SLC25A26: variants seen among roughly 807,000 people sequenced by gnomAD.
SLC25A26 encodes the protein solute carrier family 25 member 26, also known as mitochondrial S-adenosylmethionine carrier protein.
In SLC25A26, 36 loss-of-function variants were observed where a neutral mutation model predicts 37.8. The ratio of observed to expected loss-of-function variants is 0.95; its 90% CI spans 0.73 to 1.26. SLC25A26 has a LOEUF of 1.26. Among genes scored for constraint, SLC25A26 ranks in the 50% most tolerant of loss-of-function variants. The pLI, the probability that SLC25A26 is intolerant of heterozygous loss-of-function variation, is 0.00. For synonymous variants in SLC25A26, 129 were observed against 122.5 expected (o/e 1.05, Z -0.35); for missense variants, 390 against 331.1 (o/e 1.18, Z -1.38).
chr3:66,223,318 A>G lies in SLC25A26; in HGVS notation c.33+2191A>G, dbSNP rs147573375. On this transcript the variant is annotated intron_variant, in intron 1 of 9. Transcript: ENST00000354883. Reference sequence around the variant, plus strand: ...CAGTCATGGGGAATGGCTCAAGTGGAAAGAGCTTAGAGTTTTCAAGTGGTG... The same window carrying G: ...CAGTCATGGGGAATGGCTCAAGTGGGAAGAGCTTAGAGTTTTCAAGTGGTG... Among the ~76,000 whole-genome samples, 1,003 of 152,220 alleles carry G rather than the reference A, an allele frequency of 6.6e-3. 8 individuals are homozygous for G. The highest frequency in any genetic ancestry group is 0.022 in the African/African-American group (914 of 41,542).
chr3:66,313,190 A>C (rs2075432814), intron 5 of SLC25A26, among the ~76,000 whole-genome samples: 1 of 152,146 alleles, frequency 6.6e-6, no homozygotes, highest in Non-Finnish European at 1.5e-5. Flanking sequence ...TTTTGTGATG[A>C]AACTTTTGCC....
At chr3:66,365,940 C>A (rs1259587364) in intron 7 of SLC25A26, among the ~76,000 whole-genome samples, 2 of 152,164 alleles carry the variant, frequency 1.3e-5, no homozygotes, top group Admixed American at 1.3e-4. Flanking sequence ...CTGCTGCCCC[C>A]ACATTCTCAG....
intron 1 of SLC25A26, among the ~76,000 whole-genome samples, chr3:66,137,699 G>A (rs2069968084): frequency 6.6e-6 from 1 of 152,216 alleles, no homozygotes. Context: ...TGAGCTTCCT[G>A]AGGTCAGAGT....
In SLC25A26 at chr3:66,357,364, T is replaced by C. The variant is rs1324315605; in HGVS notation, c.499-5496T>C. On this transcript the variant is annotated intron_variant, in intron 6 of 9. Coordinates refer to ENST00000354883, the MANE Select transcript of SLC25A26 (RefSeq NM_001379210.1). The stretch of plus-strand genomic sequence containing the variant: ...AGAAGTTGGAGGCTGCAGTGGGCTG[T>C]GATCACTTCACTGCACTCCAGCCTG... Among the ~76,000 whole-genome samples the C allele has an allele frequency of 3.3e-5, 5 of 152,312 alleles. No homozygotes were observed. In the East Asian group the frequency reaches 9.6e-4, roughly 29 times the overall value.
chr3:66,351,245 G>C (rs1037138623), intron 6 of SLC25A26, among the ~76,000 whole-genome samples: 1 of 152,112 alleles, frequency 6.6e-6, no homozygotes, highest in Admixed American at 6.5e-5. Context: ...CCCAAATCCT[G>C]TTACTGTGCT....
intron 6 of SLC25A26, among the ~76,000 whole-genome samples, chr3:66,354,846 A>G (rs1473789669): frequency 1.3e-5 from 2 of 152,150 alleles, no homozygotes; most frequent in African/African-American, 2.4e-5. Context: ...TGCCTGCACA[A>G]GGTCTCTCTC....
At chr3:66,323,252 T>G (rs960256285) in intron 5 of SLC25A26, among the ~76,000 whole-genome samples, 1 of 152,204 alleles carries the variant, frequency 6.6e-6, no homozygotes, top group Non-Finnish European at 1.5e-5. Context: ...TGTCTTGCCT[T>G]TAACAGGCTT....
rs78301035 is a variant in SLC25A26, at chr3:66,340,209, T to G, written c.454-6155T>G. On this transcript the variant is annotated intron_variant, in intron 5 of 9. Coordinates refer to ENST00000354883, the MANE Select transcript of SLC25A26 (RefSeq NM_001379210.1). Reference sequence around the variant, plus strand: ...GGCTGTTTTATTTCACTGGTCTATATGTCTGTCTTGATGCCACTACAACAC... The same window carrying G: ...GGCTGTTTTATTTCACTGGTCTATAGGTCTGTCTTGATGCCACTACAACAC... Among the ~76,000 whole-genome samples the G allele has an allele frequency of 1.2e-3, 180 of 152,218 alleles. 1 individual carries two copies. Among genetic ancestry groups the G allele is most frequent in the Non-Finnish European group, 2.0e-3 (135 of 67,922 alleles).
rs150122074 is a variant in SLC25A26 at position 66,221,832 on chromosome 3, G to C, written c.33+705G>C. Among the ~76,000 whole-genome samples the C allele has an allele frequency of 4.9e-3, 743 of 150,490 alleles. 14 individuals carry two copies. The highest frequency in any genetic ancestry group is 0.013 in the African/African-American group (540 of 40,734). On this transcript the variant is annotated intron_variant, in intron 1 of 9. Transcript: ENST00000354883. Reference sequence around the variant, plus strand: ...AACAAAACAGAGTTTGGCTGCCTACGTTTTCATTGTGTGGAATGGGCAGAG... The same window carrying C: ...AACAAAACAGAGTTTGGCTGCCTACCTTTTCATTGTGTGGAATGGGCAGAG...
At chr3:66,190,788 A>T (rs2070927023) in intron 1 of SLC25A26, among the ~76,000 whole-genome samples, 1 of 152,224 alleles carries the variant, frequency 6.6e-6, no homozygotes, top group Non-Finnish European at 1.5e-5. Context: ...GTTCACATAA[A>T]TACAATTTTC....
intron 1 of SLC25A26, among the ~76,000 whole-genome samples, chr3:66,214,863 C>T (rs2106844645): frequency 6.6e-6 from 1 of 152,268 alleles, no homozygotes; most frequent in African/African-American, 2.4e-5. Flanking sequence ...CACGGTGGCT[C>T]ATGCCTGTAA....
At chr3:66,142,014 C>G (rs1485378314) in intron 1 of SLC25A26, among the ~76,000 whole-genome samples, 1 of 152,218 alleles carries the variant, frequency 6.6e-6, no homozygotes. Flanking sequence ...CACAAATTAA[C>G]CATTTCAAAG....
chr3:66,170,788 A>ATTTTTT (rs1559559094), intron 1 of SLC25A26, among the ~76,000 whole-genome samples: 2 of 56,424 alleles, frequency 3.5e-5, no homozygotes, highest in African/African-American at 1.4e-4. Flanking sequence ...AGATGTGATT[A>ATTTTTT]TTGTTTTTTT....
rs191276778 is a variant in SLC25A26 at position 66,311,437 on chromosome 3, T to C, written c.454-34927T>C. Among the ~76,000 whole-genome samples the C allele has an allele frequency of 2.4e-4, 36 of 152,218 alleles. No individual in the cohort carries two copies. In the East Asian group the frequency reaches 5.8e-3, roughly 25 times the overall value. On this transcript the variant is annotated intron_variant, in intron 5 of 9. Transcript: ENST00000354883. Reference sequence around the variant, plus strand: ...AGCTTGCTTTCATTGGGTTAGAACATGCTCCTTTAGCTCCGAGGAGTTTGT... The same window carrying C: ...AGCTTGCTTTCATTGGGTTAGAACACGCTCCTTTAGCTCCGAGGAGTTTGT...
chr3:66,232,145 T>G (rs1372426660), intron 1 of SLC25A26, among the ~76,000 whole-genome samples: 1 of 152,226 alleles, frequency 6.6e-6, no homozygotes, highest in Non-Finnish European at 1.5e-5. Context: ...TAATTTAAAA[T>G]GTTCATTTTG....
intron 5 of SLC25A26, chr3:66,304,582 A>T (rs1406916660): frequency 2.3e-6 from 1 of 429,782 alleles, no homozygotes; most frequent in Admixed American, 2.6e-5. Context: ...GCTAACTGGG[A>T]TATACGCTAC....
chr3:66,361,521 T>C (rs146958320), intron 6 of SLC25A26, among the ~76,000 whole-genome samples: 71 of 152,346 alleles, frequency 4.7e-4, no homozygotes, highest in African/African-American at 1.6e-3. Flanking sequence ...GTCTAGAATA[T>C]GTAAAGAACT....
exon 1 of SLC25A26, chr3:66,133,740 T>C (rs564937481): frequency 6.6e-6 from 1 of 152,310 alleles, no homozygotes; most frequent in Non-Finnish European, 1.5e-5. Flanking sequence ...GTTAGAATTA[T>C]ATTGAGAAAT....
At chr3:66,270,416 C>G (rs2073918344) in intron 5 of SLC25A26, among the ~76,000 whole-genome samples, 1 of 152,158 alleles carries the variant, frequency 6.6e-6, no homozygotes, top group South Asian at 2.1e-4. Context: ...ATTTTATTAA[C>G]TATGACCAAA....
Sources: gnomAD v4.1 joint callset for allele counts (sites outside exome capture counted in the v4.1 genomes callset) on GRCh38, gnomAD v4.1.1 for gene constraint, MANE v1.5 for transcripts, NCBI Gene and HGNC (gene_info 2026-07-23, HGNC 2026-07-21) for gene names.